ZNF609: variants seen among roughly 807,000 people sequenced by gnomAD.
The protein encoded by ZNF609 is zinc finger protein 609.
Under a neutral mutation model 109.5 loss-of-function variants are expected in ZNF609, and 11 were observed. The ratio of observed to expected loss-of-function variants is 0.10; its 90% CI spans 0.06 to 0.17. The LOEUF (loss-of-function observed/expected upper bound fraction) is 0.17. ZNF609 is among the 10% of genes least tolerant of loss of function. ZNF609 has a pLI of 1.00. For synonymous variants in ZNF609, 646 were observed against 662.0 expected, an observed-to-expected ratio of 0.98 and a Z score of 0.37; for missense variants, 1,559 against 1,772.4, an observed-to-expected ratio of 0.88 and a Z score of 2.16.
intron 2 of ZNF609, among the ~76,000 whole-genome samples, chr15:64,508,882 C>T (rs1172606936): frequency 2.0e-5 from 3 of 151,498 alleles, no homozygotes; most frequent in African/African-American, 4.8e-5. Context: ...TTTTTAGAGA[C>T]GGGGTCTTAC....
At chr15:64,492,369 G>A (rs1372149651) in intron 1 of ZNF609, among the ~76,000 whole-genome samples, 1 of 152,070 alleles carries the variant, frequency 6.6e-6, no homozygotes, top group Non-Finnish European at 1.5e-5. Context: ...AATGGGTATT[G>A]GTACAACCTG....
At chr15:64,638,665 G>A (rs988893700) in intron 3 of ZNF609, among the ~76,000 whole-genome samples, 1 of 152,048 alleles carries the variant, frequency 6.6e-6, no homozygotes. Context: ...GGAGGCTGAA[G>A]TGGACAGATT....
intron 2 of ZNF609, among the ~76,000 whole-genome samples, chr15:64,530,408 T>C (rs1894042523): frequency 6.6e-6 from 1 of 152,192 alleles, no homozygotes; most frequent in African/African-American, 2.4e-5. Flanking sequence ...ATAACTACTT[T>C]ATAGAGCAGA....
At chr15:64,486,126 A>T (rs1893329321) in intron 1 of ZNF609, among the ~76,000 whole-genome samples, 1 of 152,128 alleles carries the variant, frequency 6.6e-6, no homozygotes, top group South Asian at 2.1e-4. Context: ...CCACAATAAG[A>T]TTTTTGATAA....
intron 2 of ZNF609, among the ~76,000 whole-genome samples, chr15:64,609,495 A>G (rs917117825): frequency 2.0e-5 from 3 of 150,462 alleles, no homozygotes; most frequent in Admixed American, 6.6e-5. Context: ...TTTTTTATAG[A>G]GACGGGGTTT....
intron 2 of ZNF609, among the ~76,000 whole-genome samples, chr15:64,576,480 A>G (rs987377010): frequency 2.0e-5 from 3 of 152,072 alleles, no homozygotes; most frequent in Non-Finnish European, 4.4e-5. Context: ...CGTCACTGCT[A>G]TAAATTATAT....
At chr15:64,480,935 T>C (rs1418173260) in intron 1 of ZNF609, among the ~76,000 whole-genome samples, 1 of 152,180 alleles carries the variant, frequency 6.6e-6, no homozygotes. Flanking sequence ...TCCCGACAAT[T>C]GGCAGTTTTA....
At chr15:64,621,788 C>T (rs1430190545) in intron 2 of ZNF609, among the ~76,000 whole-genome samples, 3 of 143,882 alleles carry the variant, frequency 2.1e-5, no homozygotes, top group East Asian at 2.0e-4. Context: ...TTTTTTGAGA[C>T]GATCTCAGCT....
intron 2 of ZNF609, among the ~76,000 whole-genome samples, chr15:64,545,376 T>C (rs190750967): frequency 2.6e-5 from 4 of 152,186 alleles, no homozygotes; most frequent in Non-Finnish European, 5.9e-5. Context: ...TGTTTGTACT[T>C]TTTGTAGAGA....
At chr15:64,577,364 T>A (rs866038192) in intron 2 of ZNF609, among the ~76,000 whole-genome samples, 10 of 15,262 alleles carry the variant, frequency 6.6e-4, no homozygotes, top group African/African-American at 1.1e-3. Flanking sequence ...TACACATATA[T>A]GTATATATAT....
chr15:64,632,538 G>C (rs879466000), intron 3 of ZNF609, among the ~76,000 whole-genome samples: 1 of 151,710 alleles, frequency 6.6e-6, no homozygotes, highest in Non-Finnish European at 1.5e-5. Context: ...CTAGGGTGCC[G>C]TGGTGCAATC....
chr15:64,537,116 G>A (rs773943575), intron 2 of ZNF609, among the ~76,000 whole-genome samples: 1 of 151,056 alleles, frequency 6.6e-6, no homozygotes, highest in Non-Finnish European at 1.5e-5. Flanking sequence ...CCAGCTACTC[G>A]GGAGGCTGAG....
At chr15:64,631,180 C>G (rs1896069278) in intron 3 of ZNF609, 1 of 613,414 alleles carries the variant, frequency 1.6e-6, no homozygotes, top group African/African-American at 1.8e-5. Flanking sequence ...ACAAAGTGTG[C>G]TTCTCTGGGT....
chr15:64,644,625 G>A (rs1004479571), intron 3 of ZNF609, among the ~76,000 whole-genome samples: 5 of 152,230 alleles, frequency 3.3e-5, no homozygotes. Flanking sequence ...GGGTTCAACT[G>A]TAAATTGCAG....
chr15:64,521,630 T>C (rs1224715912), intron 2 of ZNF609, among the ~76,000 whole-genome samples: 1 of 152,212 alleles, frequency 6.6e-6, no homozygotes, highest in Non-Finnish European at 1.5e-5. Context: ...TCAAGGCTCA[T>C]AACCTTTATG....
rs144690840 is a variant in ZNF609 at position 64,682,764 on chromosome 15, T to C, written c.*1078T>C. 14 of 152,508 alleles carry C rather than the reference T, an allele frequency of 9.2e-5. No homozygotes were observed. The East Asian group carries it at 2.7e-3, about 29-fold the overall frequency. 9.4% of individuals were successfully genotyped at this position (152,508 alleles called of 1,614,324 possible). A position where few individuals can be genotyped will look rare whatever the true frequency, so the allele number is the denominator to read the frequency against. On this transcript the variant is annotated 3_prime_UTR_variant, in exon 10 of 10. Transcript: ENST00000326648. ...CCTGTCATCTAGCCATCTGATATCT[T>C]CCTCATTTGAGGCCACAGATATATA...
rs2083231683 is a variant in ZNF609, at chr15:64,684,801, A to T, written c.*3115A>T. 6.6e-6 allele frequency: 1 copy of T among 152,532 alleles called. No homozygotes were observed. The highest frequency in any genetic ancestry group is 2.4e-5 in the African/African-American group (1 of 41,396). The allele number at this position is 152,532 out of a possible 1,614,324, so 9.4% of individuals were successfully genotyped here. On this transcript the variant is annotated 3_prime_UTR_variant, in exon 10 of 10. Transcript: ENST00000326648. ...ATACCCTCTCACCATCCCCTTGTCT[A>T]CTCTGATGCCCCCAAGATGCAACTG...
intron 2 of ZNF609, among the ~76,000 whole-genome samples, chr15:64,575,930 G>A (rs773337225): frequency 3.3e-5 from 5 of 152,046 alleles, no homozygotes; most frequent in Non-Finnish European, 7.4e-5. Context: ...GTGAAACCCC[G>A]TCTCTTCTAA....
At chr15:64,652,110 G>T (rs1349483483) in intron 3 of ZNF609, among the ~76,000 whole-genome samples, 1 of 152,050 alleles carries the variant, frequency 6.6e-6, no homozygotes, top group Non-Finnish European at 1.5e-5. Flanking sequence ...TGCAATCGCA[G>T]CTCACTGCAA....
Sources: allele counts gnomAD v4.1 joint callset (sites outside exome capture counted in the v4.1 genomes callset), GRCh38; gene constraint gnomAD v4.1.1; transcripts MANE v1.5; gene names NCBI Gene and HGNC (gene_info 2026-07-23, HGNC 2026-07-21).